GREB1: variants seen among roughly 807,000 people sequenced by gnomAD.
GREB1 encodes growth regulating estrogen receptor binding 1.
Under a neutral mutation model 200.7 loss-of-function variants are expected in GREB1, and 106 were observed. That is an observed-to-expected ratio of 0.53 (90% confidence interval 0.45 to 0.62). The LOEUF (loss-of-function observed/expected upper bound fraction) is 0.62. Among genes scored for constraint, GREB1 ranks in the 20% least tolerant of loss-of-function variants. GREB1 has a pLI of 0.00. For synonymous variants in GREB1, 1,132 were observed against 1,092.4 expected (o/e 1.04, Z -0.72); for missense variants, 2,243 against 2,556.8 (o/e 0.88, Z 2.65).
chr2:11,535,139 G>C (rs1674231878), intron 1 of GREB1, among the ~76,000 whole-genome samples: 1 of 152,176 alleles, frequency 6.6e-6, no homozygotes. Context: ...TCTGTAGACA[G>C]GATTTCACAG....
rs1417517306 is a variant in GREB1, at chr2:11,618,761, C to T, written c.3886C>T (p.Arg1296Cys). The T allele has an allele frequency of 3.7e-6, 6 of 1,613,054 alleles. No homozygotes were observed. The highest frequency in any genetic ancestry group is 5.1e-6 in the Non-Finnish European group (6 of 1,179,870). Residue 1296 changes from arginine to cysteine, a missense_variant, in exon 22 of 33, where the codon CGC becomes TGC. By Grantham distance (180) the Arg-to-Cys change is radical. Around this residue, in one of 3 missense-constraint regions of GREB1, gnomAD observed 587 missense variants for 553.1 expected, o/e 1.06. Coordinates refer to ENST00000381486, the MANE Select transcript of GREB1 (RefSeq NM_014668.4). Reference protein sequence around the residue: ...SPSVMWASSFRPLLSKTMTST... With the variant: ...SPSVMWASSFCPLLSKTMTST... ...CTCGGTCATGTGGGCCAGCTCTTTC[C>T]GCCCCCTGCTCAGCAAGACCATGAC...
intron 17 of GREB1, among the ~76,000 whole-genome samples, chr2:11,608,300 A>G (rs959997966): frequency 2.0e-5 from 3 of 152,222 alleles, no homozygotes; most frequent in African/African-American, 4.8e-5. Context: ...TTTTAACCAT[A>G]TAGAATATAG....
intron 10 of GREB1, chr2:11,591,808 G>A (rs1680758414): frequency 8.9e-6 from 2 of 224,296 alleles, no homozygotes; most frequent in South Asian, 1.3e-4. Flanking sequence ...CTAAGTAAAC[G>A]GTGGTGCTCA....
rs191150557 is a variant in GREB1, at chr2:11,584,415, A to G, written c.902-746A>G. ...CTTTCCAGGCTGGGGCAGGGAGGGG[A>G]GCACAGGTGGATCAGTACTGCCCCC... On this transcript the variant is annotated intron_variant, in intron 7 of 32. Transcript: ENST00000381486. 3.3e-3 allele frequency among the ~76,000 whole-genome samples: 507 copies of G among 152,212 alleles called. 5 individuals are homozygous for G. The highest frequency in any genetic ancestry group is 0.012 in the African/African-American group (494 of 41,536).
At chr2:11,544,296 A>C (rs1675040019) in intron 1 of GREB1, among the ~76,000 whole-genome samples, 1 of 151,800 alleles carries the variant, frequency 6.6e-6, no homozygotes, top group South Asian at 2.1e-4. Flanking sequence ...GGGTCACTGC[A>C]AGCTCCGCCT....
At chr2:11,516,078 TG>T (rs1309047103) in intron 1 of GREB1, among the ~76,000 whole-genome samples, 4 of 149,840 alleles carry the variant, frequency 2.7e-5, no homozygotes, top group Non-Finnish European at 1.5e-5. Context: ...CGGGACATGG[TG>T]GATGTCACAT....
At chr2:11,623,155 C>A (rs1558653313) in intron 23 of GREB1, among the ~76,000 whole-genome samples, 2 of 152,318 alleles carry the variant, frequency 1.3e-5, no homozygotes, top group African/African-American at 4.8e-5. Context: ...CTGAAAAATT[C>A]CTATCACCTA....
In GREB1 at chr2:11,566,567, TCAAGTCC is replaced by T; in HGVS notation, c.367_373del (p.Lys123ProfsTer51). ...CCTGCGGGCTTTCTCCTCGTGGGGGTCAAGTCCCCCAGCCTGCCGGACCATCTCCTGG... is the reference window on the plus strand; with the variant it reads ...CCTGCGGGCTTTCTCCTCGTGGGGGTCCCAGCCTGCCGGACCATCTCCTGG... On this transcript the variant is annotated frameshift_variant, in exon 4 of 33. Coordinates refer to ENST00000381486, the MANE Select transcript of GREB1 (RefSeq NM_014668.4). LOFTEE classifies it high-confidence loss of function. 6.2e-7 allele frequency: 1 copy of T among 1,613,650 alleles called. No homozygotes were observed. The highest frequency in any genetic ancestry group is 8.5e-7 in the Non-Finnish European group (1 of 1,179,808).
At chr2:11,560,701 CA>C (rs57683800) in intron 2 of GREB1, among the ~76,000 whole-genome samples, 116 of 143,046 alleles carry the variant, frequency 8.1e-4, no homozygotes, top group African/African-American at 1.8e-3. Context: ...AACTCCATCT[CA>C]AAAAAAAAAA....
intron 10 of GREB1, among the ~76,000 whole-genome samples, chr2:11,592,507 T>G (rs1680831502): frequency 6.6e-6 from 1 of 152,070 alleles, no homozygotes; most frequent in South Asian, 2.1e-4. Flanking sequence ...TGCTTAATCT[T>G]AAAAATAAAG....
chr2:11,595,481 G>C (rs1681128863), intron 12 of GREB1, 102 bp downstream of exon 12: 2 of 1,253,466 alleles, frequency 1.6e-6, no homozygotes, highest in Non-Finnish European at 2.3e-6. Flanking sequence ...ACCTGCTAAG[G>C]CTGGCCTCCA....
At chr2:11,619,010 A>C in intron 22 of GREB1, 91 bp downstream of exon 22, 1 of 1,204,636 alleles carries the variant, frequency 8.3e-7, no homozygotes, top group East Asian at 2.6e-5. Context: ...GACCGCACCC[A>C]CGTCTTCACT....
chr2:11,539,017 C>CTTTCT (rs1674521664), intron 1 of GREB1, among the ~76,000 whole-genome samples: 1 of 80,482 alleles, frequency 1.2e-5, no homozygotes, highest in South Asian at 7.1e-4. Context: ...CCTTCTCCTC[C>CTTTCT]CTTCTCTTCT....
chr2:11,552,781 G>A lies in GREB1; in HGVS notation c.-161-3673G>A, dbSNP rs555756921. ...AATCCCAGCACTTTGGGAGGCCGAG[G>A]CGGGCGGATCACGAGGTCAGGAGAT... On this transcript the variant is annotated intron_variant, in intron 1 of 32. Coordinates refer to ENST00000381486, the MANE Select transcript of GREB1 (RefSeq NM_014668.4). Among the ~76,000 whole-genome samples, 697 of 152,130 alleles carry A rather than the reference G, an allele frequency of 4.6e-3. 6 individuals are homozygous for A. The highest frequency in any genetic ancestry group is 4.4e-3 in the Non-Finnish European group (296 of 67,996).
At chr2:11,596,036 A>G in intron 12 of GREB1, 75 bp from the exon 13 acceptor site, 1 of 1,442,316 alleles carries the variant, frequency 6.9e-7, no homozygotes, top group Non-Finnish European at 9.6e-7. Context: ...ACAGTACCTG[A>G]CACTAACTGC....
At chr2:11,543,106 G>A (rs1572633358) in intron 1 of GREB1, among the ~76,000 whole-genome samples, 2 of 152,124 alleles carry the variant, frequency 1.3e-5, no homozygotes, top group South Asian at 4.1e-4. Flanking sequence ...GAAGTAAAGA[G>A]GTGACTGGAA....
chr2:11,513,708 T>G (rs1224686204), intron 1 of GREB1, among the ~76,000 whole-genome samples: 2 of 152,168 alleles, frequency 1.3e-5, no homozygotes, highest in Admixed American at 1.3e-4. Context: ...AACTGTGGCT[T>G]CCTTGTAATA....
At chr2:11,535,186 C>A (rs181660240) in intron 1 of GREB1, among the ~76,000 whole-genome samples, 1 of 152,274 alleles carries the variant, frequency 6.6e-6, no homozygotes, top group African/African-American at 2.4e-5. Flanking sequence ...GCACTCCTCC[C>A]AACACTTGTC....
chr2:11,596,000 T>C, intron 12 of GREB1, 111 bp from the exon 13 acceptor site: 1 of 1,048,012 alleles, frequency 9.5e-7, no homozygotes, highest in Non-Finnish European at 1.4e-6. Flanking sequence ...GTCCTCCTCT[T>C]TACCTTCATG....
Sources: allele counts gnomAD v4.1 joint callset (sites outside exome capture counted in the v4.1 genomes callset), GRCh38; gene constraint gnomAD v4.1.1; regional missense constraint gnomAD v4.1.1; transcripts MANE v1.5; gene names NCBI Gene and HGNC (gene_info 2026-07-23, HGNC 2026-07-21).